Variants in SFPQ observed in about 807,000 individuals in gnomAD.
SFPQ encodes splicing factor proline and glutamine rich, also known as splicing factor, proline- and glutamine-rich.
In SFPQ, 11 loss-of-function variants were observed where a neutral mutation model predicts 72.9. That is an observed-to-expected ratio of 0.15 (90% CI 0.09 to 0.25). SFPQ has a LOEUF of 0.25. Among genes scored for constraint, SFPQ ranks in the 10% least tolerant of loss-of-function variants. The pLI, the probability that SFPQ is intolerant of heterozygous loss-of-function variation, is 1.00. For synonymous variants in SFPQ, 506 were observed against 367.3 expected (o/e 1.38, Z -4.32); for missense variants, 847 against 993.3 (o/e 0.85, Z 1.98).
intron 6 of SFPQ, among the ~76,000 whole-genome samples, 199 bp downstream of exon 6, chr1:35,188,803 CA>C (rs748570795): frequency 2.6e-5 from 4 of 152,132 alleles, no homozygotes; most frequent in Non-Finnish European, 5.9e-5. Flanking sequence ...ACTACAAATA[CA>C]GGAAGAATTA....
rs1209724129 is a variant in SFPQ at position 35,191,518 on chromosome 1, G to A, written c.840C>T (p.Ala280=). Reference sequence around the variant, plus strand: ...CAGGCCTCCTCAAGAGAGACAAATTGGCTTTAAACCCCTAATGAAAAAGGA... The same window carrying A: ...CAGGCCTCCTCAAGAGAGACAAATTAGCTTTAAACCCCTAATGAAAAAGGA... The part of the protein sequence containing the change: ...EKISDSEGFK[A]NLSLLRRPGE... Residue 280 remains alanine (A), a synonymous_variant, in exon 2 of 10, where the codon GCC becomes GCT. Transcript: ENST00000357214. 4.3e-6 allele frequency: 7 copies of A among 1,611,450 alleles called. No homozygotes were observed. The highest frequency in any genetic ancestry group is 5.9e-6 in the Non-Finnish European group (7 of 1,179,332).
Position 35,189,350 on chromosome 1 carries a change from T to C in SFPQ, c.1448A>G (p.His483Arg), listed in dbSNP as rs750997255. The C allele has an allele frequency of 1.9e-6, 3 of 1,614,154 alleles. No homozygotes were observed. Among genetic ancestry groups the C allele is most frequent in the Non-Finnish European group, 8.5e-7 (1 of 1,180,016 alleles). The change falls in exon 5 of 10, where the codon CAT (histidine) becomes CGT (arginine). Residue 483 changes from histidine to arginine, a missense_variant. Transcript: ENST00000357214. ...AGAATATTCGTACTCAAACGTGCCATGCTGGGCAAAACGAGGAGGGGTTTC... is the reference window on the plus strand; with the variant it reads ...AGAATATTCGTACTCAAACGTGCCACGCTGGGCAAAACGAGGAGGGGTTTC... ...ERETPPRFAQHGTFEYEYSQR... is the reference protein window; with the variant it reads ...ERETPPRFAQRGTFEYEYSQR...
At chr1:35,177,076 GT>G (rs1011621613) in intron 5 of SFPQ, 2 of 151,616 alleles carry the variant, frequency 1.3e-5, no homozygotes, top group African/African-American at 4.9e-5. Flanking sequence ...TGAGCCGGGC[GT>G]GGCAGAACAT....
chr1:35,188,002 T>C lies in SFPQ; in HGVS notation c.1786A>G (p.Ser596Gly). The change falls in exon 7 of 10, where the codon AGT becomes GGT. Residue 596 changes from serine to glycine, a missense_variant. Ser to Gly is a moderately conservative substitution (Grantham distance 56). Transcript: ENST00000357214. ...EEQMRRQREE[S>G]YSRMGYMDPR... Reference sequence around the variant, plus strand: ...TCCATGTAGCCCATTCGGCTGTAACTTTCCTCTCTTTGGCGCCTCATTTGT... The same window carrying C: ...TCCATGTAGCCCATTCGGCTGTAACCTTCCTCTCTTTGGCGCCTCATTTGT... The C allele has an allele frequency of 1.2e-6, 2 of 1,614,048 alleles. No individual in the cohort carries two copies. Among genetic ancestry groups the C allele is most frequent in the African/African-American group, 1.3e-5 (1 of 75,066 alleles).
chr1:35,180,427 G>A (rs943199160), downstream of SFPQ: 15 of 1,047,234 alleles, frequency 1.4e-5, no homozygotes, highest in African/African-American at 1.7e-5. Flanking sequence ...CTACAGAAAC[G>A]ACGATGTCTT....
chr1:35,186,022 T>C (rs1411523006), intron 9 of SFPQ, among the ~76,000 whole-genome samples: 1 of 152,194 alleles, frequency 6.6e-6, no homozygotes, highest in Non-Finnish European at 1.5e-5. Context: ...AGAAAGCCCA[T>C]AGTATTACAT....
Position 35,183,604 on chromosome 1 carries a change from TG to T in SFPQ, c.*851del, listed in dbSNP as rs1639573815. On this transcript the variant is annotated 3_prime_UTR_variant, in exon 10 of 10. Transcript: ENST00000357214. ...CACTTGAATACATGAAAAGACTTCA[TG>T]TTTAACATCTTTAATTCAAATGTAA... 9.7e-7 allele frequency: 1 copy of T among 1,026,816 alleles called. No homozygotes were observed. 63.6% of individuals were successfully genotyped at this position (1,026,816 alleles called of 1,614,324 possible). A position where few individuals can be genotyped will look rare whatever the true frequency, so the allele number is the denominator to read the frequency against.
At chr1:35,185,466 T>TGA (rs1639665938) in intron 9 of SFPQ, among the ~76,000 whole-genome samples, 1 of 152,212 alleles carries the variant, frequency 6.6e-6, no homozygotes, top group Admixed American at 6.5e-5. Flanking sequence ...AATAAAGCAG[T>TGA]GAGTGACTTC....
In SFPQ at chr1:35,190,482, G is replaced by A. The variant is rs768810316; in HGVS notation, c.1415+16C>T. On this transcript the variant is annotated intron_variant, in intron 4 of 9. Transcript: ENST00000357214. ...ACTTGATTTAAAAACTGCCAAAAAAGTTTAATCAATCTTACTTTTGATACA... is the reference window on the plus strand; with the variant it reads ...ACTTGATTTAAAAACTGCCAAAAAAATTTAATCAATCTTACTTTTGATACA... The A allele has an allele frequency of 3.2e-6, 5 of 1,562,410 alleles. No individual in the cohort carries two copies. Among genetic ancestry groups the A allele is most frequent in the African/African-American group, 1.4e-5 (1 of 72,950 alleles).
At position 35,184,462 on chromosome 1, in the gene SFPQ, T is replaced by C; in HGVS notation, c.2118A>G (p.Arg706=). The change falls in exon 10 of 10, where the codon CGA becomes CGG. Residue 706 remains arginine (R), a synonymous_variant. Coordinates refer to ENST00000357214, the MANE Select transcript of SFPQ (RefSeq NM_005066.3). ...EEYEGPNKKP[R]F Reference sequence around the variant, plus strand: ...GAAAGCCTAAATATCACATCTAAAATCGGGGTTTTTTGTTTGGGCCTTCGT... The same window carrying C: ...GAAAGCCTAAATATCACATCTAAAACCGGGGTTTTTTGTTTGGGCCTTCGT... 1 of 1,607,876 alleles carries C rather than the reference T, an allele frequency of 6.2e-7. No homozygotes were observed. Among genetic ancestry groups the C allele is most frequent in the South Asian group, 1.1e-5 (1 of 89,690 alleles).
At chr1:35,176,457 A>G (rs1390035307) in exon 6 of SFPQ, 2 of 152,224 alleles carry the variant, frequency 1.3e-5, no homozygotes, top group Non-Finnish European at 2.9e-5. Context: ...TTTTCTGGAC[A>G]CAGCTCACCT....
At position 35,184,122 on chromosome 1, in the gene SFPQ, A is replaced by AT. The variant is rs1445747391; in HGVS notation, c.*333dup. 1 of 1,135,082 alleles carries AT rather than the reference A, an allele frequency of 8.8e-7. No homozygotes were observed. The highest frequency in any genetic ancestry group is 5.1e-5 in the Admixed American group (1 of 19,470). The allele number at this position is 1,135,082 out of a possible 1,614,324, so 70.3% of individuals were successfully genotyped here. ...AATGGCAAAGTTGAAGATCAATATT[A>AT]TAACTATTTTTCTATTTATTTGAAG... On this transcript the variant is annotated 3_prime_UTR_variant, in exon 10 of 10. Transcript: ENST00000357214.
At position 35,192,326 on chromosome 1, in the gene SFPQ, G is replaced by C; in HGVS notation, c.724C>G (p.Arg242Gly). ...GGCGGGTGGTGCTGGCGGCCCCCGC[G>C]GGGCTCCCCGCCGCCTCGATGCGGC... Reference protein sequence around the residue: ...KPPHRGGGEPRGGRQHHPPYH... With the variant: ...KPPHRGGGEPGGGRQHHPPYH... The change falls in exon 1 of 10, where the codon CGC (arginine) becomes GGC (glycine). Residue 242 changes from arginine to glycine, a missense_variant. Around this residue, in one of 6 missense-constraint regions of SFPQ, gnomAD observed 498 missense variants for 405.1 expected, o/e 1.23. Coordinates refer to ENST00000357214, the MANE Select transcript of SFPQ (RefSeq NM_005066.3). 1.4e-6 allele frequency: 2 copies of C among 1,416,672 alleles called. No individual in the cohort carries two copies. Among genetic ancestry groups the C allele is most frequent in the Non-Finnish European group, 1.8e-6 (2 of 1,098,318 alleles). 87.8% of individuals were successfully genotyped at this position (1,416,672 alleles called of 1,614,324 possible).
downstream of SFPQ, chr1:35,182,780 T>C (rs1639523238): frequency 2.0e-6 from 2 of 985,440 alleles, no homozygotes; most frequent in Non-Finnish European, 2.4e-6. Context: ...CTTTACCTAC[T>C]GTTAGGAAGC....
chr1:35,179,244 G>A, downstream of SFPQ: 4 of 1,061,488 alleles, frequency 3.8e-6, no homozygotes, highest in Non-Finnish European at 4.6e-6. Context: ...ATTAACAATA[G>A]GAGACATGCA....
chr1:35,192,155 G>A, intron 1 of SFPQ, 67 bp downstream of exon 1: 4 of 1,238,998 alleles, frequency 3.2e-6, no homozygotes, highest in South Asian at 2.5e-5. Context: ...CCAGCGCGGG[G>A]GCGGGGGCGA....
chr1:35,188,167 T>C, intron 6 of SFPQ, 77 bp from the exon 7 acceptor site: 1 of 1,115,454 alleles, frequency 9.0e-7, no homozygotes, highest in Non-Finnish European at 1.4e-6. Context: ...ACCTAGCAGT[T>C]GACCTAAGAA....
downstream of SFPQ, chr1:35,178,413 C>G (rs1639334718): frequency 9.4e-6 from 10 of 1,065,474 alleles, no homozygotes; most frequent in Non-Finnish European, 1.0e-5. Context: ...TATGAAAGCA[C>G]ATACCCTGCT....
intron 5 of SFPQ, 49 bp from the exon 6 acceptor site, chr1:35,189,136 G>T: frequency 1.9e-6 from 3 of 1,613,270 alleles, no homozygotes; most frequent in Non-Finnish European, 2.5e-6. Flanking sequence ...TTCTAATAAG[G>T]TGAAAAACAA....
Sources: allele counts gnomAD v4.1 joint callset (sites outside exome capture counted in the v4.1 genomes callset), GRCh38; gene constraint gnomAD v4.1.1; regional missense constraint gnomAD v4.1.1; transcripts MANE v1.5; gene names NCBI Gene and HGNC (gene_info 2026-07-23, HGNC 2026-07-21).